FHIT: variants seen among roughly 807,000 people sequenced by gnomAD.
The protein encoded by FHIT is fragile histidine triad diadenosine triphosphatase, also known as bis(5'-adenosyl)-triphosphatase.
A neutral mutation model predicts 17.9 loss-of-function variants in FHIT; 19 were observed. The observed-to-expected ratio is 1.06, with a 90% CI of 0.74 to 1.56. The LOEUF is 1.56. FHIT is among the 40% of genes most tolerant of loss of function. FHIT has a pLI of 0.00. For missense variants in FHIT, 248 were observed against 189.2 expected, an observed-to-expected ratio of 1.31 and a Z score of -1.82; for synonymous variants, 81 against 69.7, an observed-to-expected ratio of 1.16 and a Z score of -0.81.
At chr3:60,454,499 C>G (rs571139602) in intron 5 of FHIT, among the ~76,000 whole-genome samples, 13 of 151,990 alleles carry the variant, frequency 8.6e-5, no homozygotes, top group Non-Finnish European at 1.5e-4. Flanking sequence ...ATTCTCCTGC[C>G]TCAGCCTCTC....
intron 8 of FHIT, among the ~76,000 whole-genome samples, chr3:59,871,759 A>C (rs1235249453): frequency 1.3e-5 from 2 of 152,148 alleles, no homozygotes; most frequent in African/African-American, 4.8e-5. Context: ...CAGGTAGCCT[A>C]ATTTCCTTTT....
chr3:59,953,382 C>T (rs1310808071), intron 7 of FHIT, among the ~76,000 whole-genome samples: 2 of 152,186 alleles, frequency 1.3e-5, no homozygotes, highest in African/African-American at 2.4e-5. Flanking sequence ...TCCCTATGCA[C>T]ACATTTCTTG....
chr3:60,321,422 GC>G (rs1201049733), intron 5 of FHIT, among the ~76,000 whole-genome samples: 1 of 152,160 alleles, frequency 6.6e-6, no homozygotes, highest in Non-Finnish European at 1.5e-5. Flanking sequence ...TCTGCAGAGA[GC>G]CACAACTGCA....
chr3:60,594,410 AC>A (rs2038192170), intron 4 of FHIT, among the ~76,000 whole-genome samples: 1 of 152,104 alleles, frequency 6.6e-6, no homozygotes, highest in East Asian at 1.9e-4. Context: ...GGAAACCACA[AC>A]TTTTGCAGCC....
intron 5 of FHIT, among the ~76,000 whole-genome samples, chr3:60,027,694 G>T (rs1248409830): frequency 1.4e-5 from 2 of 146,638 alleles, no homozygotes; most frequent in East Asian, 4.1e-4. Flanking sequence ...TCTTAACTCA[G>T]AATCTCTTCT....
At chr3:60,310,950 G>T (rs555912257) in intron 5 of FHIT, among the ~76,000 whole-genome samples, 1 of 151,898 alleles carries the variant, frequency 6.6e-6, no homozygotes, top group Non-Finnish European at 1.5e-5. Flanking sequence ...ATTGCATTTA[G>T]CGCATACTTC....
chr3:59,975,369 T>C (rs1333404032), intron 7 of FHIT, among the ~76,000 whole-genome samples: 3 of 152,140 alleles, frequency 2.0e-5, no homozygotes, highest in Admixed American at 6.6e-5. Flanking sequence ...AGGGAGATGA[T>C]AAAAAGGACA....
intron 2 of FHIT, among the ~76,000 whole-genome samples, chr3:61,154,456 G>T (rs1051648141): frequency 4.6e-5 from 7 of 151,416 alleles, no homozygotes; most frequent in Admixed American, 4.6e-4. Flanking sequence ...CATATTTAAA[G>T]GAAAAACAGA....
chr3:60,235,947 C>T (rs1462799727), intron 5 of FHIT, among the ~76,000 whole-genome samples: 1 of 152,014 alleles, frequency 6.6e-6, no homozygotes, highest in African/African-American at 2.4e-5. Flanking sequence ...ACTAGAGCTC[C>T]TTTTGCTAAA....
intron 8 of FHIT, among the ~76,000 whole-genome samples, chr3:59,774,483 CAG>C (rs1467550452): frequency 1.3e-5 from 2 of 152,174 alleles, no homozygotes; most frequent in Non-Finnish European, 2.9e-5. Flanking sequence ...TATCTGAAAA[CAG>C]AAGATGAGCA....
At chr3:60,041,407 A>C (rs753757202) in intron 5 of FHIT, among the ~76,000 whole-genome samples, 3 of 152,210 alleles carry the variant, frequency 2.0e-5, no homozygotes, top group Non-Finnish European at 4.4e-5. Flanking sequence ...TTTACACTTC[A>C]GGAAAATGTC....
intron 5 of FHIT, among the ~76,000 whole-genome samples, chr3:60,198,695 G>C (rs1054472204): frequency 1.3e-5 from 2 of 152,096 alleles, no homozygotes; most frequent in Non-Finnish European, 2.9e-5. Flanking sequence ...AAAAGCCCAA[G>C]GGAGGCGGTG....
At chr3:60,011,545 G>A (rs375106011) in intron 6 of FHIT, 145 bp from the exon 7 acceptor site, 16 of 727,872 alleles carry the variant, frequency 2.2e-5, no homozygotes, top group African/African-American at 1.4e-4. Context: ...GGCTTCAAAT[G>A]TGCGGGATTA....
At chr3:60,120,517 G>A (rs1274762205) in intron 5 of FHIT, among the ~76,000 whole-genome samples, 5 of 152,282 alleles carry the variant, frequency 3.3e-5, no homozygotes, top group African/African-American at 7.2e-5. Flanking sequence ...GCCAAACCCA[G>A]GGAAGCAATT....
intron 4 of FHIT, among the ~76,000 whole-genome samples, chr3:60,561,558 G>A (rs935229716): frequency 3.5e-4 from 53 of 152,110 alleles, no homozygotes; most frequent in African/African-American, 1.2e-3. Flanking sequence ...CAGGGGACAG[G>A]TGAATAGCCC....
chr3:59,819,810 T>A (rs1700726835), intron 8 of FHIT, among the ~76,000 whole-genome samples: 1 of 152,216 alleles, frequency 6.6e-6, no homozygotes, highest in South Asian at 2.1e-4. Flanking sequence ...AATGTGACAG[T>A]ATTAAGAGGA....
chr3:60,667,021 A>ATTTTTTTTTTTTT (rs56071877), intron 4 of FHIT, among the ~76,000 whole-genome samples: 5 of 34,098 alleles, frequency 1.5e-4, no homozygotes, highest in African/African-American at 5.1e-4. Flanking sequence ...TGCCTGGTTA[A>ATTTTTTTTTTTTT]TTTTTTTTTT....
chr3:60,475,913 C>G (rs993512213), intron 5 of FHIT, among the ~76,000 whole-genome samples: 12 of 152,086 alleles, frequency 7.9e-5, no homozygotes, highest in African/African-American at 2.9e-4. Context: ...CCACTCATGC[C>G]CAGATTTCCC....
intron 4 of FHIT, among the ~76,000 whole-genome samples, chr3:60,581,031 C>T (rs2037733832): frequency 6.6e-6 from 1 of 152,060 alleles, no homozygotes; most frequent in African/African-American, 2.4e-5. Flanking sequence ...CCAGGTGGTG[C>T]TGATGCTGCG....
Sources: allele counts gnomAD v4.1 joint callset (sites outside exome capture counted in the v4.1 genomes callset), GRCh38; gene constraint gnomAD v4.1.1; transcripts MANE v1.5; gene names NCBI Gene and HGNC (gene_info 2026-07-23, HGNC 2026-07-21).